Variants in RYR3 observed in about 807,000 individuals in gnomAD.
RYR3 encodes brain ryanodine receptor-calcium release channel.
RYR3 carries 207 observed loss-of-function variants against 584.3 expected under a neutral mutation model. The ratio of observed to expected loss-of-function variants is 0.35; its 90% CI spans 0.32 to 0.40. RYR3 has a LOEUF of 0.40. Among genes scored for constraint, RYR3 ranks in the 10% least tolerant of loss-of-function variants. The pLI is 1.00. For missense variants in RYR3, 5,616 were observed against 6,089.2 expected, an observed-to-expected ratio of 0.92 and a Z score of 2.59; for synonymous variants, 2,416 against 2,248.5, an observed-to-expected ratio of 1.07 and a Z score of -2.11.
chr15:33,411,404 T>C (rs1167693398), intron 1 of RYR3, among the ~76,000 whole-genome samples: 1 of 152,148 alleles, frequency 6.6e-6, no homozygotes, highest in Non-Finnish European at 1.5e-5. Flanking sequence ...CTGCAAATAT[T>C]GAAGCAAACA....
chr15:33,818,053 T>C (rs1022593022), intron 75 of RYR3, among the ~76,000 whole-genome samples: 1 of 152,002 alleles, frequency 6.6e-6, no homozygotes, highest in African/African-American at 2.4e-5. Flanking sequence ...GAATCAAGAG[T>C]TAGGTCAGGA....
chr15:33,548,318 T>C, intron 9 of RYR3, 114 bp downstream of exon 9: 1 of 641,122 alleles, frequency 1.6e-6, no homozygotes, highest in Non-Finnish European at 2.7e-6. Context: ...TCAAGTCCTT[T>C]GTCTAGAGCT....
Position 33,833,523 on chromosome 15 carries a change from A to G in RYR3, c.11464-1445A>G, listed in dbSNP as rs78488685. On this transcript the variant is annotated intron_variant, in intron 86 of 103. Coordinates refer to ENST00000634891, the MANE Select transcript of RYR3 (RefSeq NM_001036.6). ...AGGACATGAAGTGATAAACCTAAAA[A>G]TAAGTTACTGATCTGAAGTTTCACA... 1.8e-3 allele frequency among the ~76,000 whole-genome samples: 276 copies of G among 152,328 alleles called. 5 individuals carry two copies. The East Asian group carries it at 0.045, about 25-fold the overall frequency.
chr15:33,813,739 CA>C, intron 74 of RYR3, 160 bp downstream of exon 74: 1 of 591,198 alleles, frequency 1.7e-6, no homozygotes, highest in Non-Finnish European at 3.0e-6. Context: ...CTGGCTAAGA[CA>C]ATCAAGGTAA....
intron 72 of RYR3, among the ~76,000 whole-genome samples, chr15:33,811,585 G>T (rs1482167381): frequency 4.9e-5 from 7 of 141,934 alleles, no homozygotes; most frequent in Admixed American, 4.2e-4. Context: ...GTTTGTTTTT[G>T]CCCTTAATTT....
At position 33,813,014 on chromosome 15, in the gene RYR3, A is replaced by C; in HGVS notation, c.10389+20A>C. Reference sequence around the variant, plus strand: ...GAACAGGTAAGGAGCATCTGCCCTGAGGAATGGGGAAGCAGAAACACCCTG... The same window carrying C: ...GAACAGGTAAGGAGCATCTGCCCTGCGGAATGGGGAAGCAGAAACACCCTG... On this transcript the variant is annotated intron_variant, in intron 73 of 103. Coordinates refer to ENST00000634891, the MANE Select transcript of RYR3 (RefSeq NM_001036.6). The C allele has an allele frequency of 6.2e-7, 1 of 1,613,778 alleles. No homozygotes were observed. The highest frequency in any genetic ancestry group is 8.5e-7 in the Non-Finnish European group (1 of 1,179,750).
intron 1 of RYR3, among the ~76,000 whole-genome samples, chr15:33,455,056 G>A (rs2047433453): frequency 6.6e-6 from 1 of 152,156 alleles, no homozygotes; most frequent in Admixed American, 6.5e-5. Context: ...AGAAATCCTA[G>A]GTGCCTAAAC....
At chr15:33,731,241 TATG>T (rs1049266517) in intron 47 of RYR3, among the ~76,000 whole-genome samples, 2 of 147,180 alleles carry the variant, frequency 1.4e-5, no homozygotes. Flanking sequence ...TAGCCTTTGT[TATG>T]ATTTTTTTGT....
chr15:33,528,273 C>T (rs993780967), intron 3 of RYR3, among the ~76,000 whole-genome samples: 2 of 152,164 alleles, frequency 1.3e-5, no homozygotes, highest in Non-Finnish European at 2.9e-5. Flanking sequence ...CCCTCACCTA[C>T]ATCCTGTGTC....
chr15:33,489,154 A>AT (rs563813720), intron 2 of RYR3, among the ~76,000 whole-genome samples: 3 of 152,118 alleles, frequency 2.0e-5, no homozygotes, highest in Admixed American at 6.6e-5. Flanking sequence ...AATGCCTACA[A>AT]TTTTTTTTAG....
intron 36 of RYR3, among the ~76,000 whole-genome samples, chr15:33,668,368 C>T (rs930568796): frequency 6.6e-6 from 1 of 151,704 alleles, no homozygotes; most frequent in East Asian, 1.9e-4. Context: ...TAAAAGCTGA[C>T]CAAAAGCTGG....
chr15:33,714,339 T>C (rs2067332520), intron 43 of RYR3, among the ~76,000 whole-genome samples: 1 of 152,254 alleles, frequency 6.6e-6, no homozygotes, highest in Non-Finnish European at 1.5e-5. Context: ...AATTTACTAT[T>C]ATTTCTTAAT....
intron 62 of RYR3, among the ~76,000 whole-genome samples, chr15:33,771,351 T>G (rs561113214): frequency 1.1e-4 from 16 of 152,120 alleles, no homozygotes; most frequent in Non-Finnish European, 2.1e-4. Context: ...CTGGCCAACA[T>G]GGTGAAACCC....
At chr15:33,748,961 G>C (rs2071017081) in intron 55 of RYR3, among the ~76,000 whole-genome samples, 1 of 152,046 alleles carries the variant, frequency 6.6e-6, no homozygotes, top group African/African-American at 2.4e-5. Flanking sequence ...AACACAATGT[G>C]AATTCTATAT....
At position 33,603,156 on chromosome 15, in the gene RYR3, G is replaced by A. The variant is rs757023124; in HGVS notation, c.1956G>A (p.Glu652=). 1.2e-6 allele frequency: 2 copies of A among 1,613,748 alleles called. No homozygotes were observed. Among genetic ancestry groups the A allele is most frequent in the Admixed American group, 3.3e-5 (2 of 60,000 alleles). The change falls in exon 18 of 104, where the codon GAG becomes GAA. Residue 652 remains glutamate (E), a synonymous_variant. Transcript: ENST00000634891. ...IRPNIFLGVA[E]GSAQYKKWYF... is the part of the protein sequence containing the mutation. ...CAAACATCTTCCTGGGAGTCGCGGA[G>A]GGCTCAGCCCAGTACAAGAAGTGGT...
At chr15:33,611,669 A>G (rs1256066416) in intron 18 of RYR3, among the ~76,000 whole-genome samples, 1 of 151,774 alleles carries the variant, frequency 6.6e-6, no homozygotes, top group Non-Finnish European at 1.5e-5. Flanking sequence ...TTTCTTTTGT[A>G]TTTATTTGAG....
intron 14 of RYR3, among the ~76,000 whole-genome samples, chr15:33,582,794 G>T (rs140686663): frequency 9.1e-4 from 138 of 152,280 alleles, no homozygotes; most frequent in Middle Eastern, 3.4e-3. Context: ...GACTTGAATT[G>T]TGTCCTTTAC....
chr15:33,615,750 G>A (rs76799520), intron 19 of RYR3, among the ~76,000 whole-genome samples: 304 of 152,294 alleles, frequency 2.0e-3, no homozygotes, highest in African/African-American at 7.0e-3. Flanking sequence ...ACCACATAGA[G>A]CTATTCTCAT....
intron 23 of RYR3, among the ~76,000 whole-genome samples, chr15:33,632,650 CCCA>C (rs2061325705): frequency 6.6e-6 from 1 of 152,130 alleles, no homozygotes; most frequent in South Asian, 2.1e-4. Context: ...GCTGAACGTG[CCCA>C]TTATTTCTAG....
Sources: allele counts gnomAD v4.1 joint callset (sites outside exome capture counted in the v4.1 genomes callset), GRCh38; gene constraint gnomAD v4.1.1; transcripts MANE v1.5; gene names NCBI Gene and HGNC (gene_info 2026-07-23, HGNC 2026-07-21).